Variants in UNC5C observed in about 807,000 individuals in gnomAD.
UNC5C encodes the protein netrin receptor UNC5C.
UNC5C carries 47 observed loss-of-function variants against 99.8 expected under a neutral mutation model. That is an observed-to-expected ratio of 0.47 (90% CI 0.37 to 0.60). The LOEUF (loss-of-function observed/expected upper bound fraction) is 0.60, where lower values mean the gene tolerates loss of function less well. UNC5C is among the 20% of genes least tolerant of loss of function. The probability of loss-of-function intolerance (pLI) is 0.00; values close to 1 mark genes in which losing one functional copy is unlikely to be tolerated. For synonymous variants in UNC5C, 487 were observed against 452.2 expected, an observed-to-expected ratio of 1.08 and a Z score of -0.98; for missense variants, 1,062 against 1,165.9, an observed-to-expected ratio of 0.91 and a Z score of 1.30.
At chr4:95,436,641 T>C (rs752585870) in intron 1 of UNC5C, among the ~76,000 whole-genome samples, 9 of 151,888 alleles carry the variant, frequency 5.9e-5, no homozygotes, top group Non-Finnish European at 1.3e-4. Context: ...CAGGGAAAAA[T>C]GAACACGTTC....
intron 2 of UNC5C, among the ~76,000 whole-genome samples, chr4:95,315,336 C>T (rs7674128): frequency 6.6e-6 from 1 of 152,080 alleles, no homozygotes; most frequent in Non-Finnish European, 1.5e-5. Context: ...TTGTTCAGGG[C>T]AGCTCTTCCT....
intron 1 of UNC5C, among the ~76,000 whole-genome samples, chr4:95,403,304 T>C (rs942994878): frequency 2.0e-5 from 3 of 152,100 alleles, no homozygotes; most frequent in Non-Finnish European, 4.4e-5. Flanking sequence ...AGCAAACTCA[T>C]GTTGGTAGAG....
intron 1 of UNC5C, among the ~76,000 whole-genome samples, chr4:95,380,975 TTAAG>T (rs551697759): frequency 2.6e-5 from 4 of 152,318 alleles, no homozygotes; most frequent in African/African-American, 9.6e-5. Flanking sequence ...TGAATATTTG[TTAAG>T]TATGTAATTT....
At chr4:95,224,024 T>C (rs1020458956) in intron 7 of UNC5C, among the ~76,000 whole-genome samples, 7 of 152,202 alleles carry the variant, frequency 4.6e-5, no homozygotes, top group Non-Finnish European at 7.3e-5. Context: ...GGCTCACATC[T>C]GTAATCCCAG....
chr4:95,215,894 T>A (rs1194266772), intron 10 of UNC5C: 4 of 373,896 alleles, frequency 1.1e-5, no homozygotes, highest in Non-Finnish European at 1.9e-5. Context: ...ACGTGTCCAC[T>A]TGGGAAAAGA....
At chr4:95,233,104 C>A (rs1474076204) in intron 7 of UNC5C, among the ~76,000 whole-genome samples, 1 of 152,178 alleles carries the variant, frequency 6.6e-6, no homozygotes, top group Non-Finnish European at 1.5e-5. Context: ...CTTCTGGGGG[C>A]CCTGGTATGC....
At chr4:95,184,809 T>G (rs1175194348) in intron 13 of UNC5C, among the ~76,000 whole-genome samples, 1 of 152,194 alleles carries the variant, frequency 6.6e-6, no homozygotes, top group Admixed American at 6.5e-5. Flanking sequence ...TTTGGAAGCC[T>G]TTCATTTATT....
At chr4:95,322,200 T>C (rs1742716887) in intron 2 of UNC5C, among the ~76,000 whole-genome samples, 1 of 152,264 alleles carries the variant, frequency 6.6e-6, no homozygotes, top group African/African-American at 2.4e-5. Flanking sequence ...ACTCTGTTAA[T>C]GAGAACTGAA....
At position 95,283,480 on chromosome 4, in the gene UNC5C, T is replaced by C. The variant is rs534604119; in HGVS notation, c.491-5118A>G. Among the ~76,000 whole-genome samples, 53 of 152,304 alleles carry C rather than the reference T, an allele frequency of 3.5e-4. 1 individual carries two copies. In the South Asian group the frequency reaches 7.5e-3, roughly 21 times the overall value. On this transcript the variant is annotated intron_variant, in intron 3 of 15. Transcript: ENST00000453304. ...ATGAGCATAGGATATATCGCGGCCG[T>C]GCAGCACAGAAGCCGCTCATTTCAG...
chr4:95,444,598 T>C lies in UNC5C; in HGVS notation c.124+104136A>G, dbSNP rs181793371. Among the ~76,000 whole-genome samples the C allele has an allele frequency of 9.7e-4, 147 of 152,322 alleles. 1 individual carries two copies. The highest frequency in any genetic ancestry group is 1.2e-4 in the Non-Finnish European group (8 of 68,026). On this transcript the variant is annotated intron_variant, in intron 1 of 15. Transcript: ENST00000453304. ...CGCCCGCCTCAACCTCCCAAAGTGC[T>C]GGGATTACAGGCGTGAGGCACCGCG...
Position 95,317,846 on chromosome 4 carries a change from C to T in UNC5C, c.347-16097G>A, listed in dbSNP as rs567713293. On this transcript the variant is annotated intron_variant, in intron 2 of 15. Coordinates refer to ENST00000453304, the MANE Select transcript of UNC5C (RefSeq NM_003728.4). Reference sequence around the variant, plus strand: ...TTACTTTCAACCCCCACCACTCCTACTCGGTCTCTCCACCATCACTTCCCT... The same window carrying T: ...TTACTTTCAACCCCCACCACTCCTATTCGGTCTCTCCACCATCACTTCCCT... Among the ~76,000 whole-genome samples, 4 of 152,296 alleles carry T rather than the reference C, an allele frequency of 2.6e-5. No homozygotes were observed. The South Asian group carries it at 8.3e-4, about 32-fold the overall frequency.
At chr4:95,283,141 A>T (rs545016880) in intron 3 of UNC5C, among the ~76,000 whole-genome samples, 1 of 152,286 alleles carries the variant, frequency 6.6e-6, no homozygotes, top group South Asian at 2.1e-4. Context: ...GCATGCTGTA[A>T]TTCTTCTTAG....
rs1214547619 is a variant in UNC5C at position 95,324,804 on chromosome 4, C to G, written c.346+10606G>C. Among the ~76,000 whole-genome samples the G allele has an allele frequency of 2.0e-5, 3 of 152,254 alleles. No individual in the cohort carries two copies. In the East Asian group the frequency reaches 5.8e-4, roughly 30 times the overall value. On this transcript the variant is annotated intron_variant, in intron 2 of 15. Transcript: ENST00000453304. ...CAAGAAGGCACCATCTAGAAGGAAGCAGGCCCTCATCACACAATGAATCTG... is the reference window on the plus strand; with the variant it reads ...CAAGAAGGCACCATCTAGAAGGAAGGAGGCCCTCATCACACAATGAATCTG...
At chr4:95,441,851 AGGCT>A (rs534394969) in intron 1 of UNC5C, among the ~76,000 whole-genome samples, 1 of 152,200 alleles carries the variant, frequency 6.6e-6, no homozygotes, top group Non-Finnish European at 1.5e-5. Flanking sequence ...CTGTTTCAGG[AGGCT>A]GGACTCTTGA....
chr4:95,359,178 A>T (rs1057264169), intron 1 of UNC5C, among the ~76,000 whole-genome samples: 1 of 152,194 alleles, frequency 6.6e-6, no homozygotes, highest in African/African-American at 2.4e-5. Context: ...AAAAGTGAAG[A>T]TTGAATGATA....
chr4:95,545,270 T>C lies in UNC5C; in HGVS notation c.124+3464A>G, dbSNP rs141067524. On this transcript the variant is annotated intron_variant, in intron 1 of 15. Transcript: ENST00000453304. ...TTATAATCTAATGATTCCTAATTCT[T>C]TGCAAGTGTTTGAAAAGTTTATTCT... is the stretch of plus-strand genomic sequence containing the variant. Among the ~76,000 whole-genome samples, 837 of 152,316 alleles carry C rather than the reference T, an allele frequency of 5.5e-3. 12 individuals are homozygous for C. Among genetic ancestry groups the C allele is most frequent in the African/African-American group, 0.019 (792 of 41,550 alleles).
At chr4:95,404,528 A>G (rs982371123) in intron 1 of UNC5C, among the ~76,000 whole-genome samples, 2 of 152,200 alleles carry the variant, frequency 1.3e-5, no homozygotes, top group African/African-American at 4.8e-5. Flanking sequence ...CTGTATAATA[A>G]TGGGCCACAT....
intron 1 of UNC5C, among the ~76,000 whole-genome samples, chr4:95,408,467 T>C (rs1477432557): frequency 2.6e-5 from 4 of 152,312 alleles, no homozygotes; most frequent in African/African-American, 9.6e-5. Context: ...TAAAACATGA[T>C]GAACTATAGA....
intron 1 of UNC5C, among the ~76,000 whole-genome samples, chr4:95,485,085 T>C (rs1231983414): frequency 4.0e-5 from 6 of 151,870 alleles, no homozygotes; most frequent in Non-Finnish European, 4.4e-5. Context: ...GCCATTTATA[T>C]TCTGCCTTTC....
Sources: allele counts gnomAD v4.1 joint callset (sites outside exome capture counted in the v4.1 genomes callset), GRCh38; gene constraint gnomAD v4.1.1; transcripts MANE v1.5; gene names NCBI Gene and HGNC (gene_info 2026-07-23, HGNC 2026-07-21).